Variants in TMEM232 observed in about 807,000 individuals in gnomAD.
The protein encoded by TMEM232 is transmembrane protein 232.
Under a neutral mutation model 78.8 loss-of-function variants are expected in TMEM232, and 80 were observed. The ratio of observed to expected loss-of-function variants is 1.01; its 90% CI spans 0.85 to 1.22. The LOEUF is 1.22. Among genes scored for constraint, TMEM232 ranks in the 50% most tolerant of loss-of-function variants. The pLI, the probability that TMEM232 is intolerant of heterozygous loss-of-function variation, is 0.00. For missense variants in TMEM232, 881 were observed against 742.2 expected, an observed-to-expected ratio of 1.19 and a Z score of -2.17; for synonymous variants, 297 against 254.3, an observed-to-expected ratio of 1.17 and a Z score of -1.60.
chr5:110,555,935 C>CA (rs1775024053), intron 11 of TMEM232, among the ~76,000 whole-genome samples: 1 of 152,078 alleles, frequency 6.6e-6, no homozygotes, highest in Admixed American at 6.6e-5. Flanking sequence ...CTTCTTTATC[C>CA]AACCTGCCAC....
chr5:110,596,904 T>C (rs1337711440), intron 10 of TMEM232, among the ~76,000 whole-genome samples: 1 of 152,088 alleles, frequency 6.6e-6, no homozygotes, highest in Non-Finnish European at 1.5e-5. Context: ...CCACAGCCAA[T>C]ATCATACTGA....
At chr5:110,463,841 T>G (rs1042893849) in intron 12 of TMEM232, among the ~76,000 whole-genome samples, 2 of 152,202 alleles carry the variant, frequency 1.3e-5, no homozygotes, top group African/African-American at 4.8e-5. Context: ...ACCACCCACC[T>G]GATTTCCCTG....
intron 13 of TMEM232, among the ~76,000 whole-genome samples, chr5:110,422,854 A>G (rs1259117730): frequency 1.3e-5 from 2 of 152,144 alleles, no homozygotes; most frequent in Non-Finnish European, 2.9e-5. Flanking sequence ...TTTTTACTTT[A>G]TATACCATTA....
chr5:110,523,857 A>T (rs1327943526), intron 12 of TMEM232, among the ~76,000 whole-genome samples: 1 of 149,994 alleles, frequency 6.7e-6, no homozygotes, highest in Non-Finnish European at 1.5e-5. Flanking sequence ...GCTACTCAGG[A>T]GGTTGAGGTG....
At chr5:110,509,000 ATATATATATG>A (rs1767350970) in intron 12 of TMEM232, among the ~76,000 whole-genome samples, 1 of 104,566 alleles carries the variant, frequency 9.6e-6, no homozygotes, top group African/African-American at 6.9e-5. Flanking sequence ...GTATATATGT[ATATATATATG>A]TATATATATA....
chr5:110,673,637 T>C (rs1791652355), intron 1 of TMEM232, among the ~76,000 whole-genome samples: 1 of 152,104 alleles, frequency 6.6e-6, no homozygotes, highest in Non-Finnish European at 1.5e-5. Context: ...TGTGTGGGGA[T>C]TATGAGGTAG....
intron 12 of TMEM232, among the ~76,000 whole-genome samples, chr5:110,430,267 T>C (rs1757690025): frequency 6.6e-6 from 1 of 151,738 alleles, no homozygotes; most frequent in African/African-American, 2.4e-5. Context: ...TTTTCTCTCG[T>C]TTAATTAGCT....
chr5:110,460,763 G>A (rs1206404318), intron 12 of TMEM232, among the ~76,000 whole-genome samples: 2 of 151,154 alleles, frequency 1.3e-5, no homozygotes, highest in African/African-American at 4.9e-5. Flanking sequence ...CGCACTCGGT[G>A]TCTCTGTGTC....
intron 5 of TMEM232, among the ~76,000 whole-genome samples, chr5:110,632,725 AG>A (rs1385731125): frequency 6.6e-6 from 1 of 152,170 alleles, no homozygotes; most frequent in Non-Finnish European, 1.5e-5. Flanking sequence ...GTAATGAAAA[AG>A]AAAAAAAACA....
intron 12 of TMEM232, among the ~76,000 whole-genome samples, chr5:110,524,363 A>AAAAGAAAGAAAGAAAG (rs756039290): frequency 2.5e-5 from 3 of 120,344 alleles, no homozygotes; most frequent in African/African-American, 6.5e-5. Flanking sequence ...AAGAAAGAAA[A>AAAAGAAAGAAAGAAAG]AAAGAAAGAA....
At chr5:110,443,566 T>G (rs992406205) in intron 12 of TMEM232, among the ~76,000 whole-genome samples, 3 of 152,030 alleles carry the variant, frequency 2.0e-5, no homozygotes, top group Non-Finnish European at 4.4e-5. Flanking sequence ...AAGAGCCTGT[T>G]TGTTACTCTA....
At chr5:110,620,026 C>G (rs1783432917) in intron 7 of TMEM232, among the ~76,000 whole-genome samples, 1 of 152,028 alleles carries the variant, frequency 6.6e-6, no homozygotes, top group Non-Finnish European at 1.5e-5. Flanking sequence ...ACTACATAAA[C>G]TATTCAATTA....
At chr5:110,707,805 A>G (rs1182384759) in intron 1 of TMEM232, among the ~76,000 whole-genome samples, 1 of 152,180 alleles carries the variant, frequency 6.6e-6, no homozygotes, top group Non-Finnish European at 1.5e-5. Context: ...ACTTTGTCTT[A>G]CATCTTGGAT....
At chr5:110,438,087 C>T (rs564253477) in intron 12 of TMEM232, among the ~76,000 whole-genome samples, 6 of 152,222 alleles carry the variant, frequency 3.9e-5, no homozygotes, top group East Asian at 3.9e-4. Context: ...TTAAGGTTTC[C>T]GGCCTCACAG....
At chr5:110,583,061 A>G (rs1171356168) in intron 10 of TMEM232, among the ~76,000 whole-genome samples, 3 of 151,986 alleles carry the variant, frequency 2.0e-5, no homozygotes, top group Non-Finnish European at 4.4e-5. Context: ...TTAATATTTT[A>G]AAAATGTTTA....
At chr5:110,586,362 A>T (rs1236848928) in intron 10 of TMEM232, among the ~76,000 whole-genome samples, 1 of 152,108 alleles carries the variant, frequency 6.6e-6, no homozygotes, top group African/African-American at 2.4e-5. Context: ...TCATAAAGGT[A>T]CTGTGCTCTA....
chr5:110,500,575 A>G (rs1224605665), intron 12 of TMEM232, among the ~76,000 whole-genome samples: 2 of 152,172 alleles, frequency 1.3e-5, no homozygotes, highest in Non-Finnish European at 2.9e-5. Context: ...GTATATGAGG[A>G]AATGAATAAG....
At chr5:110,490,412 C>T (rs1228617281) in intron 12 of TMEM232, among the ~76,000 whole-genome samples, 1 of 152,096 alleles carries the variant, frequency 6.6e-6, no homozygotes, top group African/African-American at 2.4e-5. Flanking sequence ...AATTAGAACA[C>T]TTGATGTTAA....
chr5:110,686,033 T>A (rs1197986198), intron 1 of TMEM232, among the ~76,000 whole-genome samples: 1 of 151,886 alleles, frequency 6.6e-6, no homozygotes, highest in South Asian at 2.1e-4. Flanking sequence ...GATGGTAACA[T>A]GGGTATATGT....
Sources: gnomAD v4.1 joint callset for allele counts (sites outside exome capture counted in the v4.1 genomes callset) on GRCh38, gnomAD v4.1.1 for gene constraint, MANE v1.5 for transcripts, NCBI Gene and HGNC (gene_info 2026-07-23, HGNC 2026-07-21) for gene names.